The following MPZL1 variants were observed in gnomAD, a reference collection of about 807,000 sequenced individuals.
MPZL1 encodes myelin protein zero like 1, also known as myelin protein zero-like protein 1.
Under a neutral mutation model 29.3 loss-of-function variants are expected in MPZL1, and 16 were observed. The ratio of observed to expected loss-of-function variants is 0.55; its 90% confidence interval spans 0.37 to 0.83. The LOEUF is 0.83. MPZL1 is among the 40% of genes least tolerant of loss of function. The pLI is 0.00. For missense variants in MPZL1, 279 were observed against 332.9 expected (o/e 0.84, Z 1.26); for synonymous variants, 143 against 132.0 (o/e 1.08, Z -0.57).
intron 2 of MPZL1, among the ~76,000 whole-genome samples, chr1:167,770,057 G>T (rs1025834976): frequency 2.0e-5 from 3 of 152,210 alleles, no homozygotes; most frequent in African/African-American, 7.2e-5. Flanking sequence ...CAAGCTTGGG[G>T]GAGAGGGGCA....
At chr1:167,776,042 C>T in intron 4 of MPZL1, 22 bp from the exon 5 acceptor site, 1 of 1,490,448 alleles carries the variant, frequency 6.7e-7, no homozygotes, top group South Asian at 1.3e-5. Flanking sequence ...TACATTTGTT[C>T]TTCAAATTGC....
At chr1:167,786,532 TATC>T (rs1661596309) in intron 5 of MPZL1, among the ~76,000 whole-genome samples, 1 of 152,218 alleles carries the variant, frequency 6.6e-6, no homozygotes, top group Non-Finnish European at 1.5e-5. Flanking sequence ...ACAAAGACGA[TATC>T]ATAATTCAGA....
chr1:167,775,419 A>G (rs1434844723), intron 4 of MPZL1, among the ~76,000 whole-genome samples: 1 of 152,192 alleles, frequency 6.6e-6, no homozygotes, highest in Non-Finnish European at 1.5e-5. Context: ...TCCCTGATTC[A>G]TTTATGAGAT....
intron 1 of MPZL1, among the ~76,000 whole-genome samples, chr1:167,729,546 G>T (rs1660222100): frequency 1.3e-5 from 2 of 152,140 alleles, no homozygotes; most frequent in African/African-American, 4.8e-5. Context: ...TTCTTCCAAA[G>T]GGTGTTGCTG....
Position 167,776,073 on chromosome 1 carries a change from A to C in MPZL1, c.615A>C (p.Thr205=). The C allele has an allele frequency of 6.2e-7, 1 of 1,609,024 alleles. No individual in the cohort carries two copies. The highest frequency in any genetic ancestry group is 8.5e-7 in the Non-Finnish European group (1 of 1,177,034). The change falls in exon 5 of 6, where the codon ACA becomes ACC. Residue 205 remains threonine (T), a synonymous_variant. Transcript: ENST00000359523. ...NSKRDYTGCS[T]SESLSPVKQA... ...ATTGCCAATTCATCAGCTGCAGTAC[A>C]TCAGAGAGTTTGTCACCAGTTAAGC...
At chr1:167,723,595 A>G (rs890541875) in intron 1 of MPZL1, among the ~76,000 whole-genome samples, 8 of 152,364 alleles carry the variant, frequency 5.3e-5, no homozygotes, top group African/African-American at 1.9e-4. Flanking sequence ...CAGAATTGTT[A>G]TGCATGAGAG....
chr1:167,770,248 G>A (rs538113999), intron 2 of MPZL1, among the ~76,000 whole-genome samples: 2 of 152,342 alleles, frequency 1.3e-5, no homozygotes, highest in South Asian at 2.1e-4. Flanking sequence ...ATTGCTAATA[G>A]AGCTGGTTTC....
At position 167,753,578 on chromosome 1, in the gene MPZL1, G is replaced by A. The variant is rs751575075; in HGVS notation, c.92-12005G>A. ...TGGGTGATTGGTTTGTGGTTAGGCC[G>A]TTTGTCCAGCTGCAGCAGACTGGTT... On this transcript the variant is annotated intron_variant, in intron 1 of 5. Coordinates refer to ENST00000359523, the MANE Select transcript of MPZL1 (RefSeq NM_003953.6). Among the ~76,000 whole-genome samples, 5 of 151,938 alleles carry A rather than the reference G, an allele frequency of 3.3e-5. No homozygotes were observed. In the East Asian group the frequency reaches 5.8e-4, roughly 18 times the overall value.
intron 1 of MPZL1, among the ~76,000 whole-genome samples, chr1:167,758,695 T>C (rs373290390): frequency 3.9e-5 from 6 of 152,344 alleles, no homozygotes; most frequent in East Asian, 1.9e-4. Context: ...TCATTTGAAT[T>C]GATTTCCTAT....
intron 1 of MPZL1, among the ~76,000 whole-genome samples, chr1:167,752,869 T>C (rs1011439428): frequency 6.6e-6 from 1 of 152,168 alleles, no homozygotes; most frequent in Non-Finnish European, 1.5e-5. Flanking sequence ...TCCAAAAAAT[T>C]TAGTGTTATC....
intron 2 of MPZL1, among the ~76,000 whole-genome samples, chr1:167,766,594 TCAGTGTTTAG>T (rs751442553): frequency 1.8e-4 from 27 of 152,214 alleles, no homozygotes; most frequent in Non-Finnish European, 3.4e-4. Context: ...TTTCAGGTTG[TCAGTGTTTAG>T]CAAGGACAGT....
Position 167,788,438 on chromosome 1 carries a change from AAT to A in MPZL1, c.*519_*520del, listed in dbSNP as rs1374151250. ...ATTTATTTGTCTGCCGCTTTTAAAA[AAT>A]ACCCATTGGCTATGCCACTTGAAAA... is the stretch of plus-strand genomic sequence containing the variant. On this transcript the variant is annotated 3_prime_UTR_variant, in exon 6 of 6. Coordinates refer to ENST00000359523, the MANE Select transcript of MPZL1 (RefSeq NM_003953.6). 6.5e-6 allele frequency: 1 copy of A among 152,712 alleles called. No individual in the cohort carries two copies. Among genetic ancestry groups the A allele is most frequent in the African/African-American group, 2.4e-5 (1 of 41,462 alleles). 9.5% of individuals were successfully genotyped at this position (152,712 alleles called of 1,614,324 possible).
intron 1 of MPZL1, among the ~76,000 whole-genome samples, chr1:167,760,593 G>T (rs183084548): frequency 2.4e-4 from 37 of 152,254 alleles, no homozygotes; most frequent in African/African-American, 8.9e-4. Context: ...AAACAGTCCA[G>T]GGTTTTGGTC....
intron 1 of MPZL1, among the ~76,000 whole-genome samples, chr1:167,757,855 TA>T (rs1660899951): frequency 6.6e-6 from 1 of 152,184 alleles, no homozygotes. Flanking sequence ...GTTAAAAAGA[TA>T]AGGTTTTTAG....
At chr1:167,774,175 G>T (rs1047719608) in intron 4 of MPZL1, among the ~76,000 whole-genome samples, 4 of 152,224 alleles carry the variant, frequency 2.6e-5, no homozygotes, top group African/African-American at 7.2e-5. Context: ...CATAGGGTGT[G>T]TATCTAATTA....
At chr1:167,776,291 CAA>C (rs1336973006) in intron 5 of MPZL1, 125 bp downstream of exon 5, 19 of 605,374 alleles carry the variant, frequency 3.1e-5, no homozygotes, top group African/African-American at 5.7e-5. Context: ...CAGACAGAGA[CAA>C]AGAGAGAGTG....
At position 167,772,272 on chromosome 1, in the gene MPZL1, C is replaced by T; in HGVS notation, c.259-3C>T. On this transcript the variant is annotated splice_polypyrimidine_tract_variant and splice_region_variant and intron_variant, in intron 2 of 5. Transcript: ENST00000359523. ...TTCATGTGTTCCTTTTTTCTAATTG[C>T]AGTTTTTCCACTACTCCCAAGGGCA... 6.2e-7 allele frequency: 1 copy of T among 1,606,304 alleles called. No individual in the cohort carries two copies. The highest frequency in any genetic ancestry group is 1.1e-5 in the South Asian group (1 of 90,530).
chr1:167,759,974 T>C (rs1304935792), intron 1 of MPZL1, among the ~76,000 whole-genome samples: 1 of 152,070 alleles, frequency 6.6e-6, no homozygotes, highest in Non-Finnish European at 1.5e-5. Flanking sequence ...GGGAAACCCA[T>C]AGAGGATTTT....
rs554496814 is a variant in MPZL1 at position 167,770,582 on chromosome 1, G to A, written c.259-1693G>A. ...TTCCATAGGAAACCAGAAGGAAGAG[G>A]GCGAAACTCAGATTAGCTGATCTGA... On this transcript the variant is annotated intron_variant, in intron 2 of 5. Transcript: ENST00000359523. 2.6e-5 allele frequency among the ~76,000 whole-genome samples: 4 copies of A among 152,326 alleles called. No homozygotes were observed. The East Asian group carries it at 7.7e-4, about 29-fold the overall frequency.
Sources: allele counts gnomAD v4.1 joint callset (sites outside exome capture counted in the v4.1 genomes callset), GRCh38; gene constraint gnomAD v4.1.1; transcripts MANE v1.5; gene names NCBI Gene and HGNC (gene_info 2026-07-23, HGNC 2026-07-21).